The following EPHB1 variants were observed in gnomAD, a reference collection of about 807,000 sequenced individuals.
EPHB1 encodes ephrin type-B receptor 1.
In EPHB1, 30 loss-of-function variants were observed where a neutral mutation model predicts 94.4. That is an observed-to-expected ratio of 0.32 (90% CI 0.24 to 0.43). EPHB1 has a LOEUF of 0.43. EPHB1 is among the 20% of genes least tolerant of loss of function. EPHB1 has a pLI of 1.00. For synonymous variants in EPHB1, 522 were observed against 489.1 expected (o/e 1.07, Z -0.89); for missense variants, 1,055 against 1,308.3 (o/e 0.81, Z 2.99).
rs76653968 is a variant in EPHB1 at position 134,891,585 on chromosome 3, A to T, written c.59-34231A>T. 3.9e-3 allele frequency among the ~76,000 whole-genome samples: 599 copies of T among 152,348 alleles called. 3 individuals are homozygous for T. The highest frequency in any genetic ancestry group is 0.014 in the African/African-American group (564 of 41,582). On this transcript the variant is annotated intron_variant, in intron 1 of 15. Coordinates refer to ENST00000398015, the MANE Select transcript of EPHB1 (RefSeq NM_004441.5). ...AGTTGCCTTTTTGATGTTCATTGAGACACCTGGATAATATTTTGAATTTAT... is the reference window on the plus strand; with the variant it reads ...AGTTGCCTTTTTGATGTTCATTGAGTCACCTGGATAATATTTTGAATTTAT...
intron 3 of EPHB1, among the ~76,000 whole-genome samples, chr3:135,005,627 C>G (rs570817238): frequency 6.6e-6 from 1 of 152,344 alleles, no homozygotes; most frequent in East Asian, 1.9e-4. Flanking sequence ...GGGTGTAGGA[C>G]CCTCCGAGCC....
At chr3:134,876,034 A>C (rs1015321221) in intron 1 of EPHB1, among the ~76,000 whole-genome samples, 2 of 152,182 alleles carry the variant, frequency 1.3e-5, no homozygotes, top group Non-Finnish European at 2.9e-5. Context: ...TGTGCTAGGT[A>C]GGGAGCTTGT....
chr3:135,188,982 C>T (rs942246123), intron 10 of EPHB1, among the ~76,000 whole-genome samples: 4 of 142,538 alleles, frequency 2.8e-5, no homozygotes, highest in African/African-American at 9.8e-5. Context: ...AGGTAACCAA[C>T]CACAAAGTCC....
chr3:134,947,129 A>G (rs1444486984), intron 2 of EPHB1, among the ~76,000 whole-genome samples: 2 of 152,226 alleles, frequency 1.3e-5, no homozygotes, highest in Non-Finnish European at 2.9e-5. Context: ...TTATATCCCC[A>G]GTGGCTAATG....
rs1482507575 is a variant in EPHB1 at position 135,025,277 on chromosome 3, C to T, written c.805+73225C>T. Among the ~76,000 whole-genome samples the T allele has an allele frequency of 6.6e-4, 87 of 132,126 alleles. 1 individual carries two copies. Among genetic ancestry groups the T allele is most frequent in the Admixed American group, 3.9e-3 (47 of 11,982 alleles). The allele number at this position is 132,126 out of a possible 152,430, so 86.7% of individuals were successfully genotyped here. On this transcript the variant is annotated intron_variant, in intron 3 of 15. Coordinates refer to ENST00000398015, the MANE Select transcript of EPHB1 (RefSeq NM_004441.5). Reference sequence around the variant, plus strand: ...GCACACTGTGCAGGTTAGTTACATACGTATACATGTGCCATGCTGGTGTGC... The same window carrying T: ...GCACACTGTGCAGGTTAGTTACATATGTATACATGTGCCATGCTGGTGTGC...
chr3:134,926,680 G>T (rs1266919109), intron 2 of EPHB1, among the ~76,000 whole-genome samples: 1 of 152,204 alleles, frequency 6.6e-6, no homozygotes, highest in Admixed American at 6.5e-5. Flanking sequence ...ACCTGGAAGG[G>T]TGGCGATGGA....
intron 3 of EPHB1, among the ~76,000 whole-genome samples, chr3:135,059,666 T>A (rs1420459740): frequency 6.6e-6 from 1 of 152,178 alleles, no homozygotes; most frequent in Non-Finnish European, 1.5e-5. Context: ...TGCTTAATAA[T>A]GGGATTTGAT....
intron 1 of EPHB1, among the ~76,000 whole-genome samples, chr3:134,859,461 A>G (rs1227699809): frequency 1.3e-5 from 2 of 152,146 alleles, no homozygotes; most frequent in Non-Finnish European, 2.9e-5. Flanking sequence ...CTGGGTCCTG[A>G]TCTGGGTCCA....
chr3:134,980,026 A>G (rs1430280298), intron 3 of EPHB1, among the ~76,000 whole-genome samples: 1 of 152,242 alleles, frequency 6.6e-6, no homozygotes, highest in African/African-American at 2.4e-5. Context: ...CAATTGCTGC[A>G]TAGCAAAACA....
At chr3:135,073,251 C>G (rs916311378) in intron 3 of EPHB1, among the ~76,000 whole-genome samples, 4 of 152,202 alleles carry the variant, frequency 2.6e-5, no homozygotes, top group African/African-American at 9.6e-5. Context: ...CTGAACACAA[C>G]AGTTTTAATT....
chr3:135,231,722 T>C (rs1001501753), intron 12 of EPHB1, among the ~76,000 whole-genome samples: 2 of 152,200 alleles, frequency 1.3e-5, no homozygotes, highest in African/African-American at 4.8e-5. Context: ...TTAGAAACAA[T>C]TTTGTCAGCA....
At chr3:134,847,178 A>T (rs1480964818) in intron 1 of EPHB1, among the ~76,000 whole-genome samples, 1 of 151,928 alleles carries the variant, frequency 6.6e-6, no homozygotes, top group Non-Finnish European at 1.5e-5. Context: ...CATCATGGAA[A>T]AAAAAAACCA....
At chr3:134,893,485 T>G (rs1156352476) in intron 1 of EPHB1, among the ~76,000 whole-genome samples, 1 of 151,820 alleles carries the variant, frequency 6.6e-6, no homozygotes, top group African/African-American at 2.4e-5. Flanking sequence ...GCACATACTC[T>G]CCCTCCCACA....
At chr3:135,075,218 G>A (rs1937867434) in intron 3 of EPHB1, among the ~76,000 whole-genome samples, 1 of 152,242 alleles carries the variant, frequency 6.6e-6, no homozygotes, top group South Asian at 2.1e-4. Flanking sequence ...ACCTGTCAAT[G>A]TTGCGCTTTC....
At chr3:134,850,935 A>T (rs1373229969) in intron 1 of EPHB1, among the ~76,000 whole-genome samples, 2 of 152,250 alleles carry the variant, frequency 1.3e-5, no homozygotes, top group Non-Finnish European at 2.9e-5. Flanking sequence ...GGGGCAGCAG[A>T]TGCAGCTGGA....
chr3:135,072,298 C>T (rs567922733), intron 3 of EPHB1, among the ~76,000 whole-genome samples: 105 of 152,222 alleles, frequency 6.9e-4, no homozygotes, highest in Non-Finnish European at 1.2e-3. Flanking sequence ...ACAGGAGAAA[C>T]GCTTGAACCT....
At chr3:135,231,983 A>C (rs1038359916) in intron 12 of EPHB1, among the ~76,000 whole-genome samples, 29 of 152,210 alleles carry the variant, frequency 1.9e-4, no homozygotes, top group Admixed American at 8.5e-4. Context: ...ACTCTTTCAG[A>C]AGATGAGAGA....
chr3:134,994,056 T>G (rs984302660), intron 3 of EPHB1, among the ~76,000 whole-genome samples: 7 of 152,228 alleles, frequency 4.6e-5, no homozygotes, highest in African/African-American at 1.4e-4. Flanking sequence ...ACCCCTTCCA[T>G]GTGCACATAA....
chr3:134,980,491 C>T lies in EPHB1; in HGVS notation c.805+28439C>T, dbSNP rs567048410. 2.6e-5 allele frequency among the ~76,000 whole-genome samples: 4 copies of T among 152,026 alleles called. No homozygotes were observed. The South Asian group carries it at 8.3e-4, about 32-fold the overall frequency. ...TGGGAAGGGTGTCAAGAATTTGAAG[C>T]CTTTACTTACACTCACAAGAAACTG... On this transcript the variant is annotated intron_variant, in intron 3 of 15. Transcript: ENST00000398015.
Sources: gnomAD v4.1 joint callset for allele counts (sites outside exome capture counted in the v4.1 genomes callset) on GRCh38, gnomAD v4.1.1 for gene constraint, MANE v1.5 for transcripts, NCBI Gene and HGNC (gene_info 2026-07-23, HGNC 2026-07-21) for gene names.